SEC24B: variants seen among roughly 807,000 people sequenced by gnomAD.
The protein encoded by SEC24B is protein transport protein Sec24B.
SEC24B carries 45 observed loss-of-function variants against 142.8 expected under a neutral mutation model. The ratio of observed to expected loss-of-function variants is 0.32; its 90% CI spans 0.25 to 0.40. The LOEUF is 0.40. SEC24B is among the 10% of genes least tolerant of loss of function. SEC24B has a pLI of 1.00. For synonymous variants in SEC24B, 574 were observed against 568.2 expected (o/e 1.01, Z -0.15); for missense variants, 1,409 against 1,526.8 (o/e 0.92, Z 1.29).
At chr4:109,485,439 G>A (rs1185617350) in intron 4 of SEC24B, among the ~76,000 whole-genome samples, 2 of 152,154 alleles carry the variant, frequency 1.3e-5, no homozygotes, top group East Asian at 3.8e-4. Context: ...AACATAAACG[G>A]CCAGAGTAGG....
At chr4:109,496,802 A>G (rs1170279412) in intron 6 of SEC24B, among the ~76,000 whole-genome samples, 2 of 152,200 alleles carry the variant, frequency 1.3e-5, no homozygotes, top group Admixed American at 1.3e-4. Flanking sequence ...GATTTTCTTT[A>G]TGGCTCTGTT....
rs770725728 is a variant in SEC24B at position 109,463,046 on chromosome 4, T to C, written c.279T>C (p.Ala93=). The change falls in exon 2 of 24, where the codon GCT becomes GCC. Residue 93 remains alanine (A), a synonymous_variant. Coordinates refer to ENST00000265175, the MANE Select transcript of SEC24B (RefSeq NM_006323.5). ...CCCAGTGTGGTGATTACTACTCTGCTCTCTATACAGTACCAACACAAAATG... is the reference window on the plus strand; with the variant it reads ...CCCAGTGTGGTGATTACTACTCTGCCCTCTATACAGTACCAACACAAAATG... ...LDTQCGDYYS[A]LYTVPTQNVT... The C allele has an allele frequency of 1.3e-5, 21 of 1,613,992 alleles. No homozygotes were observed. Among genetic ancestry groups the C allele is most frequent in the Non-Finnish European group, 1.7e-5 (20 of 1,180,020 alleles).
In SEC24B at chr4:109,532,761, G is replaced by A; in HGVS notation, c.3495+18G>A. Reference sequence around the variant, plus strand: ...GTGGCTCTGTAAGCACCCTTTACTGGCAAAGCTTAACACTGTTTGAGCTGA... The same window carrying A: ...GTGGCTCTGTAAGCACCCTTTACTGACAAAGCTTAACACTGTTTGAGCTGA... On this transcript the variant is annotated intron_variant, in intron 21 of 23. Transcript: ENST00000265175. 1.6e-6 allele frequency: 2 copies of A among 1,266,262 alleles called. No individual in the cohort carries two copies. The highest frequency in any genetic ancestry group is 1.7e-5 in the Admixed American group (1 of 58,946). 78.4% of individuals were successfully genotyped at this position (1,266,262 alleles called of 1,614,324 possible).
intron 2 of SEC24B, among the ~76,000 whole-genome samples, chr4:109,470,099 C>G (rs979710108): frequency 6.6e-6 from 1 of 152,098 alleles, no homozygotes; most frequent in Non-Finnish European, 1.5e-5. Flanking sequence ...TCTAACAATA[C>G]CAAGGAATGG....
chr4:109,524,062 T>C (rs13145066), intron 14 of SEC24B, among the ~76,000 whole-genome samples: 26,575 of 152,186 alleles, frequency 0.17, 2,618 homozygotes, highest in African/African-American at 0.27. Context: ...CATTATAAAT[T>C]ACTGTGGTGT....
intron 6 of SEC24B, among the ~76,000 whole-genome samples, chr4:109,498,151 A>G (rs1735722546): frequency 6.6e-6 from 1 of 152,152 alleles, no homozygotes; most frequent in Non-Finnish European, 1.5e-5. Flanking sequence ...CTCAGACTTG[A>G]TAGATGGATC....
In SEC24B at chr4:109,539,890, A is replaced by G. The variant is rs1726008759; in HGVS notation, c.*215A>G. On this transcript the variant is annotated 3_prime_UTR_variant, in exon 24 of 24. Coordinates refer to ENST00000265175, the MANE Select transcript of SEC24B (RefSeq NM_006323.5). Reference sequence around the variant, plus strand: ...ATGGTAACGATGATGCTGTTTCACCAAGTATATTTTGAATTGGTTTCTACA... The same window carrying G: ...ATGGTAACGATGATGCTGTTTCACCGAGTATATTTTGAATTGGTTTCTACA... The G allele has an allele frequency of 3.8e-6, 2 of 526,006 alleles. No homozygotes were observed. The highest frequency in any genetic ancestry group is 6.7e-6 in the Non-Finnish European group (2 of 299,884). 32.6% of individuals were successfully genotyped at this position (526,006 alleles called of 1,614,324 possible).
At chr4:109,489,557 C>T (rs1373861988) in intron 4 of SEC24B, among the ~76,000 whole-genome samples, 1 of 135,982 alleles carries the variant, frequency 7.4e-6, no homozygotes, top group Non-Finnish European at 1.6e-5. Flanking sequence ...CTCAGTCACT[C>T]CCCATTTTCC....
At chr4:109,456,334 GTTTTTTTTTT>G (rs70949081) in intron 1 of SEC24B, among the ~76,000 whole-genome samples, 8 of 94,106 alleles carry the variant, frequency 8.5e-5, no homozygotes, top group African/African-American at 3.3e-4. Context: ...GGTTTTTTTT[GTTTTTTTTTT>G]TTTTTTTTTA....
intron 1 of SEC24B, among the ~76,000 whole-genome samples, chr4:109,434,673 G>GT (rs1728230107): frequency 6.6e-6 from 1 of 152,212 alleles, no homozygotes; most frequent in African/African-American, 2.4e-5. Context: ...AGCTTTTGGA[G>GT]TTTGCTTGTA....
In SEC24B at chr4:109,526,340, G is replaced by A; in HGVS notation, c.2906G>A (p.Ser969Asn). 1 of 1,613,886 alleles carries A rather than the reference G, an allele frequency of 6.2e-7. No homozygotes were observed. Among genetic ancestry groups the A allele is most frequent in the Non-Finnish European group, 8.5e-7 (1 of 1,179,906 alleles). The change falls in exon 17 of 24, where the codon AGT becomes AAT. Residue 969 changes from serine (S) to asparagine (N), a missense_variant. Ser to Asn is a conservative substitution (Grantham distance 46). Around this residue, in one of 2 missense-constraint regions of SEC24B, gnomAD observed 700 missense variants for 853.3 expected, o/e 0.82. Transcript: ENST00000265175. ...GCGGTGCAGTTGTCAATTGAAGAAAGTTTAACAGATACTTCCTTAGTATGT... is the reference window on the plus strand; with the variant it reads ...GCGGTGCAGTTGTCAATTGAAGAAAATTTAACAGATACTTCCTTAGTATGT... Reference protein sequence around the residue: ...GFAVQLSIEESLTDTSLVCFQ... With the variant: ...GFAVQLSIEENLTDTSLVCFQ...
Position 109,457,944 on chromosome 4 carries a change from A to G in SEC24B, c.134-4957A>G, listed in dbSNP as rs143296802. ...AGGCAATAATCACACTTTTCCATGT[A>G]ATTTTCACAGGATTGGGGGGATTAG... On this transcript the variant is annotated intron_variant, in intron 1 of 23. Coordinates refer to ENST00000265175, the MANE Select transcript of SEC24B (RefSeq NM_006323.5). Among the ~76,000 whole-genome samples the G allele has an allele frequency of 3.2e-3, 483 of 152,278 alleles. 1 individual carries two copies. The highest frequency in any genetic ancestry group is 5.3e-3 in the Non-Finnish European group (359 of 68,008).
chr4:109,445,242 G>GTTTTTTTTTTTTTTTTTTT (rs70949078), intron 1 of SEC24B, among the ~76,000 whole-genome samples: 5 of 112,764 alleles, frequency 4.4e-5, no homozygotes, highest in South Asian at 2.9e-4. Context: ...TTCTTTCTTT[G>GTTTTTTTTTTTTTTTTTTT]TTTTTTTTTT....
intron 10 of SEC24B, 116 bp from the exon 11 acceptor site, chr4:109,516,412 C>A: frequency 1.6e-6 from 1 of 615,688 alleles, no homozygotes; most frequent in Non-Finnish European, 2.8e-6. Flanking sequence ...AAATAGCAAT[C>A]CTATTTGTGT....
chr4:109,449,396 CTT>C (rs74494967), intron 1 of SEC24B: 4,673 of 294,480 alleles, frequency 0.016, no homozygotes, highest in South Asian at 0.025. Context: ...GCTAATTTTT[CTT>C]TTTTTTTTTT....
At chr4:109,498,345 A>G (rs1388296598) in intron 6 of SEC24B, among the ~76,000 whole-genome samples, 1 of 152,198 alleles carries the variant, frequency 6.6e-6, no homozygotes, top group Non-Finnish European at 1.5e-5. Flanking sequence ...AAAATTATCA[A>G]ACTTTTTTAA....
intron 9 of SEC24B, among the ~76,000 whole-genome samples, chr4:109,513,016 C>T (rs1038994758): frequency 6.8e-6 from 1 of 147,618 alleles, no homozygotes; most frequent in Non-Finnish European, 1.5e-5. Flanking sequence ...ACTCTGTCAC[C>T]CAGGTTGGAG....
intron 17 of SEC24B, among the ~76,000 whole-genome samples, chr4:109,526,929 C>T (rs1724297465): frequency 6.6e-6 from 1 of 152,168 alleles, no homozygotes; most frequent in Admixed American, 6.5e-5. Context: ...AAAAATTCGA[C>T]TTGTGGCTGG....
chr4:109,456,309 C>T lies in SEC24B; in HGVS notation c.134-6592C>T, dbSNP rs942179353. Among the ~76,000 whole-genome samples, 3 of 132,682 alleles carry T rather than the reference C, an allele frequency of 2.3e-5. No individual in the cohort carries two copies. The East Asian group carries it at 6.3e-4, about 28-fold the overall frequency. 87.0% of individuals were successfully genotyped at this position (132,682 alleles called of 152,430 possible). ...GGATTTTCTACTTAGTCATGTCATT[C>T]TGCAAATAAAGACAGGTTTTTTTTG... On this transcript the variant is annotated intron_variant, in intron 1 of 23. Transcript: ENST00000265175.
Sources: gnomAD v4.1 joint callset for allele counts (sites outside exome capture counted in the v4.1 genomes callset) on GRCh38, gnomAD v4.1.1 for gene constraint, gnomAD v4.1.1 regional missense constraint, MANE v1.5 for transcripts, NCBI Gene and HGNC (gene_info 2026-07-23, HGNC 2026-07-21) for gene names.